The following SLC8B1 variants were observed in gnomAD, a reference collection of about 807,000 sequenced individuals.
SLC8B1 encodes mitochondrial sodium/calcium exchanger protein.
In SLC8B1, 52 loss-of-function variants were observed where a neutral mutation model predicts 63.4. The observed-to-expected ratio is 0.82, with a 90% CI of 0.66 to 1.03. The LOEUF (loss-of-function observed/expected upper bound fraction) is 1.03. Ranked by LOEUF, SLC8B1 falls within the 50% of genes least tolerant of loss-of-function variation. The pLI is 0.00. For synonymous variants in SLC8B1, 336 were observed against 323.9 expected (o/e 1.04, Z -0.40); for missense variants, 657 against 741.7 (o/e 0.89, Z 1.33).
At chr12:113,300,472 G>T (rs1956570549) in intron 15 of SLC8B1, among the ~76,000 whole-genome samples, 2 of 152,012 alleles carry the variant, frequency 1.3e-5, no homozygotes, top group African/African-American at 4.8e-5. Context: ...GATGGAGTAA[G>T]ACTCTGTCTC....
At chr12:113,303,126 C>A (rs568298300) in intron 15 of SLC8B1, among the ~76,000 whole-genome samples, 2 of 147,136 alleles carry the variant, frequency 1.4e-5, no homozygotes, top group African/African-American at 5.2e-5. Flanking sequence ...CACACACACA[C>A]ACACACACAC....
intron 1 of SLC8B1, among the ~76,000 whole-genome samples, chr12:113,333,286 G>C (rs78987494): frequency 0.16 from 24,676 of 152,144 alleles, 2,380 homozygotes; most frequent in African/African-American, 0.28. Context: ...TCTGGGGCAG[G>C]TGGGTGAGAT....
chr12:113,310,977 T>G (rs1223622939), intron 11 of SLC8B1, among the ~76,000 whole-genome samples: 1 of 152,194 alleles, frequency 6.6e-6, no homozygotes, highest in East Asian at 1.9e-4. Context: ...TTTTGTTCTT[T>G]TTTTAGTCTA....
At chr12:113,317,817 ATT>A (rs1374153635) in intron 8 of SLC8B1, among the ~76,000 whole-genome samples, 2 of 151,740 alleles carry the variant, frequency 1.3e-5, no homozygotes, top group Non-Finnish European at 2.9e-5. Flanking sequence ...GTGTGCATGT[ATT>A]TGTGTGTATT....
At chr12:113,312,338 G>A (rs544804671) in intron 11 of SLC8B1, among the ~76,000 whole-genome samples, 2 of 152,306 alleles carry the variant, frequency 1.3e-5, no homozygotes, top group African/African-American at 4.8e-5. Context: ...GGAGACTGAG[G>A]CAGGAGAATC....
At chr12:113,326,683 CTT>C (rs561363613) in intron 2 of SLC8B1, among the ~76,000 whole-genome samples, 92 of 144,668 alleles carry the variant, frequency 6.4e-4, no homozygotes, top group African/African-American at 1.8e-3. Context: ...CTTTCTCTCT[CTT>C]TTTTTTTTTT....
At chr12:113,331,385 C>T (rs1465905751) in intron 2 of SLC8B1, among the ~76,000 whole-genome samples, 8 of 114,116 alleles carry the variant, frequency 7.0e-5, no homozygotes, top group South Asian at 5.5e-4. Context: ...AGACTGTTCT[C>T]GAAAAAAAAA....
intron 2 of SLC8B1, 56 bp downstream of exon 2, chr12:113,332,667 T>C: frequency 6.4e-7 from 1 of 1,556,952 alleles, no homozygotes; most frequent in Non-Finnish European, 8.7e-7. Flanking sequence ...AATAGATATT[T>C]ATCGATTGGA....
At chr12:113,312,140 C>T (rs1346337915) in intron 11 of SLC8B1, among the ~76,000 whole-genome samples, 2 of 151,920 alleles carry the variant, frequency 1.3e-5, no homozygotes, top group African/African-American at 4.8e-5. Context: ...GGCTCAGAGT[C>T]TCAGAGGCCT....
At position 113,299,769 on chromosome 12, in the gene SLC8B1, G is replaced by T. The variant is rs2241543; in HGVS notation, c.*8C>A. ...CTGCAGTGAGGCCACAGCACTAAGC[G>T]GCTTCAGTCACATGCTTTTCAGGTG... On this transcript the variant is annotated 3_prime_UTR_variant, in exon 16 of 16. Transcript: ENST00000680972. The T allele has an allele frequency of 0.013, 21,713 of 1,613,706 alleles. 1,355 individuals are homozygous for T. In the East Asian group the frequency reaches 0.21, roughly 16 times the overall value.
intron 15 of SLC8B1, 99 bp from the exon 16 acceptor site, chr12:113,300,073 C>T: frequency 1.1e-6 from 1 of 945,538 alleles, no homozygotes; most frequent in Non-Finnish European, 1.5e-6. Context: ...AACAATGCAG[C>T]CTCAACAACA....
chr12:113,309,694 T>A (rs1020190887), intron 12 of SLC8B1, among the ~76,000 whole-genome samples: 1 of 152,182 alleles, frequency 6.6e-6, no homozygotes, highest in South Asian at 2.1e-4. Context: ...AGGTCGAGGC[T>A]GCAGTGAGCT....
intron 15 of SLC8B1, chr12:113,302,838 T>C (rs759563689): frequency 2.2e-5 from 9 of 400,542 alleles, no homozygotes; most frequent in African/African-American, 8.3e-5. Context: ...CCTCTAGACA[T>C]GTACATCAAT....
intron 2 of SLC8B1, among the ~76,000 whole-genome samples, chr12:113,332,334 C>T (rs1217527096): frequency 6.6e-6 from 1 of 152,182 alleles, no homozygotes; most frequent in Non-Finnish European, 1.5e-5. Context: ...TGCAGTGGTA[C>T]AATCCTGGCT....
chr12:113,315,434 C>T lies in SLC8B1; in HGVS notation c.1036G>A (p.Asp346Asn), dbSNP rs761721258. 7 of 1,601,674 alleles carry T rather than the reference C, an allele frequency of 4.4e-6. No homozygotes were observed. The East Asian group carries it at 1.6e-4, about 36-fold the overall frequency. Reference sequence around the variant, plus strand: ...CAGTTCTGGTCATCCTTGTCCGGGTCCACGACGGGGACTGTGAGGAGCAGC... The same window carrying T: ...CAGTTCTGGTCATCCTTGTCCGGGTTCACGACGGGGACTGTGAGGAGCAGC... Reference protein sequence around the residue: ...FLLLLTVPVVDPDKDDQNWKR... With the variant: ...FLLLLTVPVVNPDKDDQNWKR... Residue 346 changes from aspartate (D) to asparagine (N), a missense_variant, in exon 11 of 16, where the codon GAC becomes AAC. Asp to Asn is a conservative substitution (Grantham distance 23). Transcript: ENST00000680972.
intron 2 of SLC8B1, among the ~76,000 whole-genome samples, chr12:113,323,967 C>T (rs1459790919): frequency 2.0e-5 from 3 of 152,090 alleles, no homozygotes; most frequent in Non-Finnish European, 4.4e-5. Flanking sequence ...GCCCCAACCC[C>T]TCAATCTTTC....
Position 113,332,944 on chromosome 12 carries a change from C to T in SLC8B1, c.-66G>A. On this transcript the variant is annotated 5_prime_UTR_variant, in exon 2 of 16. Coordinates refer to ENST00000680972, the MANE Select transcript of SLC8B1 (RefSeq NM_001358345.2). ...TCTGCAGTAGCTCAGTTCCAAACAG[C>T]TGGCGGCTCCGGTGGCCTGCAAGGT... 6.4e-7 allele frequency: 1 copy of T among 1,572,462 alleles called. No homozygotes were observed.
intron 2 of SLC8B1, among the ~76,000 whole-genome samples, chr12:113,326,375 T>C (rs1420444720): frequency 6.6e-6 from 1 of 152,178 alleles, no homozygotes. Context: ...TTTTATTTAC[T>C]TATTTATTTT....
At position 113,310,200 on chromosome 12, in the gene SLC8B1, T is replaced by TC. The variant is rs558719946; in HGVS notation, c.1257+33dup. The TC allele has an allele frequency of 6.1e-4, 963 of 1,587,942 alleles. 1 individual carries two copies. The highest frequency in any genetic ancestry group is 6.8e-4 in the Non-Finnish European group (791 of 1,166,052). ...TCTGTGTGGGAGACATCAGCATCCC[T>TC]CCCCCCCCATCTCGGAGAACCCGGG... On this transcript the variant is annotated intron_variant, in intron 12 of 15. Coordinates refer to ENST00000680972, the MANE Select transcript of SLC8B1 (RefSeq NM_001358345.2).
Sources: gnomAD v4.1 joint callset for allele counts (sites outside exome capture counted in the v4.1 genomes callset) on GRCh38, gnomAD v4.1.1 for gene constraint, MANE v1.5 for transcripts, NCBI Gene and HGNC (gene_info 2026-07-23, HGNC 2026-07-21) for gene names.